DCDC1: variants seen among roughly 807,000 people sequenced by gnomAD.
The protein encoded by DCDC1 is doublecortin domain containing 1, also known as doublecortin domain-containing protein 1.
DCDC1 carries 200 observed loss-of-function variants against 178.3 expected under a neutral mutation model. The observed-to-expected ratio is 1.12, with a 90% CI of 1.00 to 1.26. The LOEUF (loss-of-function observed/expected upper bound fraction) is 1.26. Among genes scored for constraint, DCDC1 ranks in the 50% most tolerant of loss-of-function variants. The probability of loss-of-function intolerance (pLI) is 0.00; values close to 1 mark genes in which losing one functional copy is unlikely to be tolerated. For missense variants in DCDC1, 1,983 were observed against 1,749.2 expected, an observed-to-expected ratio of 1.13 and a Z score of -2.38; for synonymous variants, 690 against 604.8, an observed-to-expected ratio of 1.14 and a Z score of -2.07.
Position 30,931,842 on chromosome 11 carries a change from C to A in DCDC1, c.2826G>T (p.Gln942His), listed in dbSNP as rs772361861. 1 of 1,613,072 alleles carries A rather than the reference C, an allele frequency of 6.2e-7. No individual in the cohort carries two copies. The highest frequency in any genetic ancestry group is 1.1e-5 in the South Asian group (1 of 91,030). The part of the protein sequence containing the change: ...PYAPVRLRVL[Q>H]NGEKNKNRSV... Reference sequence around the variant, plus strand: ...ATCTGTTTTTATTCTTCTCTCCATTCTGCAAAACTCTGAGTCGCACAGGGG... The same window carrying A: ...ATCTGTTTTTATTCTTCTCTCCATTATGCAAAACTCTGAGTCGCACAGGGG... Residue 942 changes from glutamine (Q) to histidine (H), a missense_variant, in exon 22 of 39, where the codon CAG (glutamine) becomes CAT (histidine). Gln to His is a conservative substitution (Grantham distance 24). Transcript: ENST00000684477.
intron 15 of DCDC1, among the ~76,000 whole-genome samples, chr11:31,095,122 C>A (rs1314603532): frequency 2.0e-5 from 3 of 152,036 alleles, no homozygotes; most frequent in Non-Finnish European, 4.4e-5. Flanking sequence ...AGGACATGAA[C>A]TTTTTTATGG....
At chr11:31,087,475 C>T (rs1957549365) in intron 17 of DCDC1, among the ~76,000 whole-genome samples, 1 of 152,018 alleles carries the variant, frequency 6.6e-6, no homozygotes, top group African/African-American at 2.4e-5. Flanking sequence ...CTTACACAGA[C>T]ATTTATATAA....
At chr11:31,297,877 G>A (rs1266981541) in intron 6 of DCDC1, among the ~76,000 whole-genome samples, 2 of 152,052 alleles carry the variant, frequency 1.3e-5, no homozygotes, top group Non-Finnish European at 2.9e-5. Flanking sequence ...TTTGCTTTGA[G>A]TTGTACCGCT....
chr11:31,144,284 G>A (rs1964182795), intron 9 of DCDC1, among the ~76,000 whole-genome samples: 1 of 151,846 alleles, frequency 6.6e-6, no homozygotes, highest in African/African-American at 2.4e-5. Flanking sequence ...ACAGGCGCGT[G>A]CCACCACGCC....
intron 9 of DCDC1, among the ~76,000 whole-genome samples, chr11:31,149,359 T>C: frequency 6.6e-6 from 1 of 152,040 alleles, no homozygotes; most frequent in East Asian, 1.9e-4. Flanking sequence ...TAAAGGCTTG[T>C]AAACGCACCA....
chr11:31,045,678 T>A lies in DCDC1; in HGVS notation c.2591+18791A>T, dbSNP rs192469538. Among the ~76,000 whole-genome samples, 1,440 of 152,284 alleles carry A rather than the reference T, an allele frequency of 9.5e-3. 66 individuals are homozygous for A. Among genetic ancestry groups the A allele is most frequent in the Admixed American group, 0.081 (1,237 of 15,282 alleles). On this transcript the variant is annotated intron_variant, in intron 20 of 38. Transcript: ENST00000684477. ...TCAAGATAACTGTTCCTAGTTTTTT[T>A]AACAAACTTTTCTTCTCAGGAGTAT... is the stretch of plus-strand genomic sequence containing the variant.
At chr11:30,876,491 C>T (rs572607462) in intron 38 of DCDC1, among the ~76,000 whole-genome samples, 10 of 152,270 alleles carry the variant, frequency 6.6e-5, no homozygotes, top group African/African-American at 1.4e-4. Context: ...AAGTAAGTGT[C>T]GCTGCCTTGC....
intron 15 of DCDC1, among the ~76,000 whole-genome samples, chr11:31,096,179 A>C (rs1418532194): frequency 1.3e-5 from 2 of 152,226 alleles, no homozygotes; most frequent in African/African-American, 4.8e-5. Flanking sequence ...CCTATATGTG[A>C]AAATGAAATT....
intron 24 of DCDC1, 120 bp downstream of exon 24, chr11:30,922,383 A>G: frequency 8.3e-7 from 1 of 1,199,694 alleles, no homozygotes; most frequent in African/African-American, 1.6e-5. Flanking sequence ...AAAGAGTTAA[A>G]CAGCAAGATG....
intron 9 of DCDC1, 78 bp from the exon 10 acceptor site, chr11:31,137,862 A>G (rs1351780828): frequency 1.6e-6 from 1 of 620,436 alleles, no homozygotes; most frequent in Non-Finnish European, 2.9e-6. Flanking sequence ...ACAACTAGTT[A>G]AGCATAATCA....
chr11:31,196,051 C>T (rs2136389715), intron 9 of DCDC1, among the ~76,000 whole-genome samples: 1 of 151,944 alleles, frequency 6.6e-6, no homozygotes, highest in African/African-American at 2.4e-5. Flanking sequence ...CTTTTTATTC[C>T]CTCTTCCACC....
intron 21 of DCDC1, among the ~76,000 whole-genome samples, chr11:30,946,040 G>A (rs913724134): frequency 6.6e-6 from 1 of 152,016 alleles, no homozygotes; most frequent in Non-Finnish European, 1.5e-5. Flanking sequence ...TTTCCTTTCA[G>A]AGATACACTT....
chr11:31,293,022 T>G (rs1051136166), intron 6 of DCDC1, among the ~76,000 whole-genome samples: 2 of 152,172 alleles, frequency 1.3e-5, no homozygotes, highest in Non-Finnish European at 2.9e-5. Flanking sequence ...CTAGATGCAC[T>G]ATACCTCCCT....
chr11:31,100,072 T>A (rs1026693241), intron 15 of DCDC1, among the ~76,000 whole-genome samples: 4 of 152,126 alleles, frequency 2.6e-5, no homozygotes, highest in African/African-American at 9.7e-5. Context: ...TGCTAGGATA[T>A]GGCACAAGGG....
intron 9 of DCDC1, among the ~76,000 whole-genome samples, chr11:31,138,618 G>A (rs1392930593): frequency 1.8e-4 from 27 of 152,098 alleles, no homozygotes; most frequent in Admixed American, 1.8e-3. Context: ...TCCTTATTGA[G>A]GATTGGAGTA....
chr11:30,973,273 C>CAAAA (rs35354864), intron 20 of DCDC1, among the ~76,000 whole-genome samples: 30 of 113,796 alleles, frequency 2.6e-4, no homozygotes, highest in African/African-American at 7.4e-4. Flanking sequence ...GACTCCATCT[C>CAAAA]AAAAAAAAAA....
chr11:31,298,103 C>A (rs140496125), intron 6 of DCDC1, among the ~76,000 whole-genome samples: 1 of 152,310 alleles, frequency 6.6e-6, no homozygotes, highest in East Asian at 1.9e-4. Context: ...CAAATCTCAA[C>A]GGCAGTAACA....
Position 30,892,487 on chromosome 11 carries a change from T to TATA in DCDC1, c.5082+330_5082+331insTAT, listed in dbSNP as rs1943872794. Among the ~76,000 whole-genome samples, 20 of 151,944 alleles carry TATA rather than the reference T, an allele frequency of 1.3e-4. No individual in the cohort carries two copies. The South Asian group carries it at 3.7e-3, about 28-fold the overall frequency. ...GACTCTGTCTCAAATAAATAAATAA[T>TATA]GTAATAATAATAAGATAAAATGGAT... On this transcript the variant is annotated intron_variant, in intron 36 of 38. Coordinates refer to ENST00000684477, the MANE Select transcript of DCDC1 (RefSeq NM_001387274.1).
At chr11:31,362,486 C>T (rs568982656) in intron 1 of DCDC1, among the ~76,000 whole-genome samples, 50 of 152,284 alleles carry the variant, frequency 3.3e-4, no homozygotes, top group African/African-American at 1.2e-3. Context: ...ATATTCACCA[C>T]CTCTCATTCC....
Sources: gnomAD v4.1 joint callset for allele counts (sites outside exome capture counted in the v4.1 genomes callset) on GRCh38, gnomAD v4.1.1 for gene constraint, MANE v1.5 for transcripts, NCBI Gene and HGNC (gene_info 2026-07-23, HGNC 2026-07-21) for gene names.